NEK10: variants seen among roughly 807,000 people sequenced by gnomAD.
NEK10 encodes NIMA related kinase 10, also known as serine/threonine-protein kinase Nek10.
Under a neutral mutation model 159.8 loss-of-function variants are expected in NEK10, and 122 were observed. The ratio of observed to expected loss-of-function variants is 0.76; its 90% confidence interval spans 0.66 to 0.89. The LOEUF (loss-of-function observed/expected upper bound fraction) is 0.89, where lower values mean the gene tolerates loss of function less well. Ranked by LOEUF, NEK10 falls within the 40% of genes least tolerant of loss-of-function variation. The pLI, the probability that NEK10 is intolerant of heterozygous loss-of-function variation, is 0.00. For synonymous variants in NEK10, 466 were observed against 457.1 expected (o/e 1.02, Z -0.25); for missense variants, 1,342 against 1,323.1 (o/e 1.01, Z -0.22).
At position 27,202,458 on chromosome 3, in the gene NEK10, G is replaced by A. The variant is rs752726485; in HGVS notation, c.2190C>T (p.Tyr730=). Residue 730 remains tyrosine (Y), a synonymous_variant, in exon 24 of 36, where the codon TAC becomes TAT. Transcript: ENST00000691995. ...YQMATLSPPF[Y]STNMLSLATK... ...TAGCCAAGGACAGCATGTTAGTGCT[G>A]TAGAAGGGGGGACTCAAAGTCGCCA... is the stretch of plus-strand genomic sequence containing the variant. 6 of 1,613,722 alleles carry A rather than the reference G, an allele frequency of 3.7e-6. No homozygotes were observed. Among genetic ancestry groups the A allele is most frequent in the Non-Finnish European group, 5.1e-6 (6 of 1,179,768 alleles).
chr3:27,293,281 A>G (rs557453289), intron 16 of NEK10, among the ~76,000 whole-genome samples: 7 of 152,352 alleles, frequency 4.6e-5, no homozygotes, highest in African/African-American at 1.7e-4. Context: ...CCATCTTTTA[A>G]AAATGTTAAT....
chr3:27,290,890 GT>G lies in NEK10; in HGVS notation c.1606-137del, dbSNP rs1353349936. On this transcript the variant is annotated intron_variant, in intron 18 of 35. Transcript: ENST00000691995. Reference sequence around the variant, plus strand: ...ATAAATAAGTCACAGAGCATTTAAAGTTCCAGCTGTATTTACATTAAGCTCA... The same window carrying G: ...ATAAATAAGTCACAGAGCATTTAAAGTCCAGCTGTATTTACATTAAGCTCA... The G allele has an allele frequency of 3.7e-5, 25 of 682,372 alleles. No individual in the cohort carries two copies. The Admixed American group carries it at 8.0e-4, about 22-fold the overall frequency. The allele number at this position is 682,372 out of a possible 1,614,324, so 42.3% of individuals were successfully genotyped here.
chr3:27,176,052 GA>G (rs1947476882), intron 26 of NEK10, among the ~76,000 whole-genome samples: 1 of 152,086 alleles, frequency 6.6e-6, no homozygotes, highest in Admixed American at 6.5e-5. Context: ...TGCAGATGAA[GA>G]AAACCTAAGA....
At chr3:27,204,669 A>G in intron 23 of NEK10, among the ~76,000 whole-genome samples, 1 of 119,122 alleles carries the variant, frequency 8.4e-6, no homozygotes, top group Non-Finnish European at 1.8e-5. Context: ...ATAGTATTCC[A>G]TGGTGTATAT....
chr3:27,357,420 G>A (rs1327685120), intron 1 of NEK10, among the ~76,000 whole-genome samples: 3 of 152,142 alleles, frequency 2.0e-5, no homozygotes, highest in Admixed American at 6.5e-5. Flanking sequence ...TAATAATCCT[G>A]AGCACATTCA....
At chr3:27,183,814 T>C (rs994106445) in intron 26 of NEK10, among the ~76,000 whole-genome samples, 7 of 152,034 alleles carry the variant, frequency 4.6e-5, no homozygotes, top group African/African-American at 4.8e-5. Context: ...CAAAGATATA[T>C]AAATAGCTAA....
rs372267908 is a variant in NEK10, at chr3:27,356,878, GTGTC to G, written c.-37-3963_-37-3960del. Among the ~76,000 whole-genome samples the G allele has an allele frequency of 2.4e-4, 37 of 152,290 alleles. No homozygotes were observed. In the East Asian group the frequency reaches 6.9e-3, roughly 29 times the overall value. Reference sequence around the variant, plus strand: ...TTATAAGCCTCCTATGGCAGGGACTGTGTCTGTTTCATCCACAAATATGTCCCTG... The same window carrying G: ...TTATAAGCCTCCTATGGCAGGGACTGTGTTTCATCCACAAATATGTCCCTG... On this transcript the variant is annotated intron_variant, in intron 1 of 35. Coordinates refer to ENST00000691995, the MANE Select transcript of NEK10 (RefSeq NM_001394966.1).
At chr3:27,145,490 A>G (rs925890564) in intron 30 of NEK10, among the ~76,000 whole-genome samples, 2 of 150,870 alleles carry the variant, frequency 1.3e-5, no homozygotes, top group African/African-American at 5.0e-5. Context: ...AAAAGTCATT[A>G]CATAATTATA....
intron 23 of NEK10, among the ~76,000 whole-genome samples, chr3:27,236,588 A>G (rs1319811218): frequency 6.6e-6 from 1 of 152,154 alleles, no homozygotes; most frequent in Non-Finnish European, 1.5e-5. Flanking sequence ...CTGGGCCTCC[A>G]GGGGGTGACA....
At chr3:27,363,160 C>T (rs1379247233) in intron 1 of NEK10, among the ~76,000 whole-genome samples, 1 of 152,136 alleles carries the variant, frequency 6.6e-6, no homozygotes, top group Non-Finnish European at 1.5e-5. Flanking sequence ...ACTCAAGGGC[C>T]ACAGTGGTAT....
At position 27,290,694 on chromosome 3, in the gene NEK10, C is replaced by T. The variant is rs1401418771; in HGVS notation, c.1666G>A (p.Ala556Thr). The change falls in exon 19 of 36, where the codon GCA becomes ACA. Residue 556 changes from alanine (A) to threonine (T), a missense_variant. Coordinates refer to ENST00000691995, the MANE Select transcript of NEK10 (RefSeq NM_001394966.1). Reference protein sequence around the residue: ...AMKEVNLHNPAFGKDKKDRDS... With the variant: ...AMKEVNLHNPTFGKDKKDRDS... ...CGATCTTTCTTATCCTTTCCAAATG[C>T]TGGGTTATGTAAATTGACCTCTTTC... 2.5e-6 allele frequency: 4 copies of T among 1,608,008 alleles called. No homozygotes were observed. Among genetic ancestry groups the T allele is most frequent in the Non-Finnish European group, 3.4e-6 (4 of 1,175,334 alleles).
At chr3:27,193,077 G>A (rs1231591926) in intron 25 of NEK10, among the ~76,000 whole-genome samples, 1 of 152,206 alleles carries the variant, frequency 6.6e-6, no homozygotes, top group Admixed American at 6.5e-5. Context: ...GTGTTTGAAC[G>A]AGGTAATCTC....
At chr3:27,338,018 A>G (rs1406149273) in intron 5 of NEK10, among the ~76,000 whole-genome samples, 1 of 152,124 alleles carries the variant, frequency 6.6e-6, no homozygotes, top group Non-Finnish European at 1.5e-5. Flanking sequence ...ATGGGTATAT[A>G]TGTGCCATGT....
chr3:27,342,139 C>T (rs2047241667), intron 5 of NEK10, among the ~76,000 whole-genome samples: 1 of 152,154 alleles, frequency 6.6e-6, no homozygotes, highest in Non-Finnish European at 1.5e-5. Context: ...TGTCCTTCTT[C>T]ACCACTTACT....
chr3:27,210,207 C>T (rs1397210671), intron 23 of NEK10, among the ~76,000 whole-genome samples: 1 of 152,006 alleles, frequency 6.6e-6, no homozygotes, highest in Non-Finnish European at 1.5e-5. Flanking sequence ...GCTGAAAATC[C>T]AAGGATGAGG....
chr3:27,200,150 T>C (rs1282093778), intron 25 of NEK10, among the ~76,000 whole-genome samples: 2 of 152,164 alleles, frequency 1.3e-5, no homozygotes, highest in Admixed American at 1.3e-4. Context: ...GACTGTAGAT[T>C]AGTATTGTGC....
intron 22 of NEK10, among the ~76,000 whole-genome samples, chr3:27,278,247 T>G (rs1249004268): frequency 1.3e-5 from 2 of 152,224 alleles, no homozygotes; most frequent in Non-Finnish European, 2.9e-5. Context: ...GTTACAGTAT[T>G]TTGCATATAC....
chr3:27,312,612 A>C (rs2044793230), intron 7 of NEK10, among the ~76,000 whole-genome samples: 1 of 152,198 alleles, frequency 6.6e-6, no homozygotes, highest in South Asian at 2.1e-4. Flanking sequence ...TATATGTCTA[A>C]CCAGCATACA....
chr3:27,319,946 G>A lies in NEK10; in HGVS notation c.447+2231C>T, dbSNP rs144087624. Among the ~76,000 whole-genome samples, 317 of 152,252 alleles carry A rather than the reference G, an allele frequency of 2.1e-3. 1 individual carries two copies. Among genetic ancestry groups the A allele is most frequent in the Non-Finnish European group, 3.2e-3 (219 of 68,028 alleles). On this transcript the variant is annotated intron_variant, in intron 6 of 35. Transcript: ENST00000691995. ...AGTACTGACTGAACAAGAGAGGAAA[G>A]GAACAGATACCCATGAAAAAGGCAT...
Sources: allele counts gnomAD v4.1 joint callset (sites outside exome capture counted in the v4.1 genomes callset), GRCh38; gene constraint gnomAD v4.1.1; transcripts MANE v1.5; gene names NCBI Gene and HGNC (gene_info 2026-07-23, HGNC 2026-07-21).